The following XPO6 variants were observed in gnomAD, a reference collection of about 807,000 sequenced individuals.
XPO6 encodes the protein exportin 6.
In XPO6, 3 loss-of-function variants were observed where a neutral mutation model predicts 130.0. The observed-to-expected ratio is 0.02, with a 90% CI of 0.01 to 0.06. XPO6 has a LOEUF of 0.06. Among genes scored for constraint, XPO6 ranks in the 10% least tolerant of loss-of-function variants. The pLI, the probability that XPO6 is intolerant of heterozygous loss-of-function variation, is 1.00. For synonymous variants in XPO6, 524 were observed against 548.9 expected (o/e 0.95, Z 0.63); for missense variants, 970 against 1,393.0 (o/e 0.70, Z 4.83).
chr16:28,148,766 G>A (rs2141808378), intron 8 of XPO6, among the ~76,000 whole-genome samples: 1 of 152,296 alleles, frequency 6.6e-6, no homozygotes, highest in South Asian at 2.1e-4. Context: ...TCTTGGCCAG[G>A]CACGGTGGTT....
rs1206217849 is a variant in XPO6 at position 28,108,927 on chromosome 16, T to C, written c.2342-1250A>G. Among the ~76,000 whole-genome samples the C allele has an allele frequency of 3.3e-5, 5 of 152,202 alleles. No homozygotes were observed. In the East Asian group the frequency reaches 9.6e-4, roughly 29 times the overall value. ...AAGACGCTTCTCGCCACAGGCCTGG[T>C]CCTGGTCCCCCAGTCACAGTGACAC... On this transcript the variant is annotated intron_variant, in intron 17 of 23. Transcript: ENST00000304658.
chr16:28,137,209 A>G (rs245734), intron 9 of XPO6, among the ~76,000 whole-genome samples: 8,888 of 152,252 alleles, frequency 0.058, 650 homozygotes, highest in East Asian at 0.17. Context: ...TGTGGCAGCT[A>G]GATGGGGCCC....
At chr16:28,166,842 T>G in intron 5 of XPO6, 10 of 984,500 alleles carry the variant, frequency 1.0e-5, no homozygotes, top group Non-Finnish European at 1.2e-5. Context: ...CAGAGTCACC[T>G]GGTTGCTGCA....
chr16:28,197,786 G>A (rs1165210503), intron 1 of XPO6, among the ~76,000 whole-genome samples: 3 of 151,548 alleles, frequency 2.0e-5, no homozygotes, highest in Non-Finnish European at 2.9e-5. Flanking sequence ...AGGCGTGGTG[G>A]CGGGCGCCTG....
Position 28,152,648 on chromosome 16 carries a change from T to C in XPO6, c.1224+11A>G. The C allele has an allele frequency of 6.2e-7, 1 of 1,604,880 alleles. No homozygotes were observed. ...TTTCTCTGGAAGGGAAGGATGACTT[T>C]GGTGCTTTACCTGATGAAATGTGTA... On this transcript the variant is annotated intron_variant, in intron 8 of 23. Transcript: ENST00000304658.
At chr16:28,138,442 C>A (rs1199935789) in intron 9 of XPO6, among the ~76,000 whole-genome samples, 2 of 149,092 alleles carry the variant, frequency 1.3e-5, no homozygotes. Context: ...TCTTAACTGG[C>A]AATTGGCAAC....
At chr16:28,153,336 T>C in intron 7 of XPO6, 1 of 985,636 alleles carries the variant, frequency 1.0e-6, no homozygotes, top group Non-Finnish European at 1.2e-6. Flanking sequence ...TGATTTCAAA[T>C]ATAAGGGAGG....
intron 9 of XPO6, among the ~76,000 whole-genome samples, chr16:28,141,200 G>A (rs2042885290): frequency 6.6e-6 from 1 of 152,210 alleles, no homozygotes; most frequent in Non-Finnish European, 1.5e-5. Flanking sequence ...CCTATCTAAT[G>A]TCACCAGAAT....
intron 9 of XPO6, among the ~76,000 whole-genome samples, chr16:28,145,600 A>G (rs567007381): frequency 6.6e-6 from 1 of 152,314 alleles, no homozygotes; most frequent in South Asian, 2.1e-4. Context: ...CTTTTTCTTA[A>G]CAGGTATTTA....
intron 1 of XPO6, among the ~76,000 whole-genome samples, chr16:28,202,036 T>C (rs2043961725): frequency 6.6e-6 from 1 of 152,154 alleles, no homozygotes; most frequent in South Asian, 2.1e-4. Context: ...TCACATAAGT[T>C]TCATTTGCAA....
chr16:28,163,497 C>CT (rs1024017376), intron 6 of XPO6, among the ~76,000 whole-genome samples: 3 of 152,190 alleles, frequency 2.0e-5, no homozygotes, highest in Non-Finnish European at 4.4e-5. Context: ...ATTCTGTGCA[C>CT]TTTTTTCCCC....
intron 6 of XPO6, among the ~76,000 whole-genome samples, chr16:28,163,038 A>G (rs931916332): frequency 7.2e-5 from 11 of 152,116 alleles, no homozygotes; most frequent in African/African-American, 2.7e-4. Flanking sequence ...TCCACTCACT[A>G]GATGCCAATA....
intron 1 of XPO6, among the ~76,000 whole-genome samples, chr16:28,187,763 A>G (rs559340468): frequency 6.6e-6 from 1 of 150,800 alleles, no homozygotes; most frequent in East Asian, 2.0e-4. Flanking sequence ...AAGACAGTAA[A>G]AGGAACAAGA....
Position 28,106,478 on chromosome 16 carries a change from C to T in XPO6, c.2517G>A (p.Leu839=). 2 of 1,614,122 alleles carry T rather than the reference C, an allele frequency of 1.2e-6. No homozygotes were observed. The highest frequency in any genetic ancestry group is 1.7e-6 in the Non-Finnish European group (2 of 1,180,010). ...IHQSDVTDEM[L]SFFLTLFRGL... is the part of the protein sequence containing the mutation. ...CTCGAAACAGAGTGAGGAAGAAGCT[C>T]AGCATCTCATCAGTCACATCTGAGG... The change falls in exon 19 of 24, where the codon CTG becomes CTA. Residue 839 remains leucine (L), a synonymous_variant. Transcript: ENST00000304658. This position sits in a 1 kb window ranked among gnomAD's most constrained non-coding sequence, Gnocchi z 4.2.
intron 1 of XPO6, among the ~76,000 whole-genome samples, chr16:28,184,033 C>G (rs1220190075): frequency 6.6e-6 from 1 of 152,102 alleles, no homozygotes; most frequent in Admixed American, 6.6e-5. Context: ...CTGTTTCAAG[C>G]AAGTGGTGAA....
Position 28,112,894 on chromosome 16 carries a change from G to A in XPO6, c.2151+10C>T, listed in dbSNP as rs931320036. ...GCCCTGGGGACCCCGGGGGAGCTCT[G>A]GGGCCTCACCTTATCGACAAGTCGC... On this transcript the variant is annotated intron_variant, in intron 16 of 23. Transcript: ENST00000304658. 5.5e-5 allele frequency: 88 copies of A among 1,610,724 alleles called. No homozygotes were observed. The highest frequency in any genetic ancestry group is 7.0e-5 in the Non-Finnish European group (82 of 1,177,704).
Position 28,101,764 on chromosome 16 carries a change from A to T in XPO6, c.3046-76T>A. On this transcript the variant is annotated intron_variant, in intron 22 of 23. Transcript: ENST00000304658. This position sits in a 1 kb window ranked among gnomAD's most constrained non-coding sequence, Gnocchi z 5.4. ...CCGGGTCCCATCCACTTTCTGTCAC[A>T]CTCTCCAGTGAGTAACCTGAGGGTG... 3 of 1,584,116 alleles carry T rather than the reference A, an allele frequency of 1.9e-6. No homozygotes were observed. Among genetic ancestry groups the T allele is most frequent in the African/African-American group, 1.3e-5 (1 of 74,296 alleles).
Position 28,132,316 on chromosome 16 carries a change from A to G in XPO6, c.1606+18T>C, listed in dbSNP as rs1237657051. On this transcript the variant is annotated intron_variant, in intron 12 of 23. Transcript: ENST00000304658. This position sits in a 1 kb window ranked among gnomAD's most constrained non-coding sequence, Gnocchi z 4.0. ...TTTTTGAATGTTTGGTTAAATTAGA[A>G]AATAAAAACCAGTTTACCTGACCCT... 1 of 1,566,836 alleles carries G rather than the reference A, an allele frequency of 6.4e-7. No individual in the cohort carries two copies.
At chr16:28,150,686 C>T (rs74014222) in intron 8 of XPO6, among the ~76,000 whole-genome samples, 8,237 of 152,220 alleles carry the variant, frequency 0.054, 572 homozygotes, top group East Asian at 0.17. Context: ...AAGACATTGT[C>T]ATTCCATCTC....
Sources: gnomAD v4.1 joint callset for allele counts (sites outside exome capture counted in the v4.1 genomes callset) on GRCh38, gnomAD v4.1.1 for gene constraint, Gnocchi (gnomAD v3.1) non-coding constraint, MANE v1.5 for transcripts, NCBI Gene and HGNC (gene_info 2026-07-23, HGNC 2026-07-21) for gene names.